KIAA1328: variants seen among roughly 807,000 people sequenced by gnomAD.
KIAA1328 encodes KIAA1328.
Under a neutral mutation model 68.1 loss-of-function variants are expected in KIAA1328, and 52 were observed. The observed-to-expected ratio is 0.76, with a 90% confidence interval of 0.61 to 0.96. The LOEUF is 0.96. Ranked by LOEUF, KIAA1328 falls within the 40% of genes least tolerant of loss-of-function variation. KIAA1328 has a pLI of 0.00. For synonymous variants in KIAA1328, 232 were observed against 239.4 expected (o/e 0.97, Z 0.28); for missense variants, 641 against 677.6 (o/e 0.95, Z 0.60).
At position 37,067,225 on chromosome 18, in the gene KIAA1328, A is replaced by G. The variant is rs2151735165; in HGVS notation, c.912A>G (p.Gln304=). 2 of 1,614,014 alleles carry G rather than the reference A, an allele frequency of 1.2e-6. No individual in the cohort carries two copies. Among genetic ancestry groups the G allele is most frequent in the South Asian group, 1.1e-5 (1 of 91,084 alleles). The change falls in exon 7 of 10, where the codon CAA becomes CAG. Residue 304 remains glutamine (Q), a synonymous_variant. Coordinates refer to ENST00000280020, the MANE Select transcript of KIAA1328 (RefSeq NM_020776.3). ...CACATCTTAAGCCTACTCCTAGTCAATGCTGTGGTCATAGACTTGCTGCAG... is the reference window on the plus strand; with the variant it reads ...CACATCTTAAGCCTACTCCTAGTCAGTGCTGTGGTCATAGACTTGCTGCAG... ...ECPHLKPTPS[Q]CCGHRLAADR... is the part of the protein sequence containing the mutation.
chr18:37,075,355 C>A (rs2151767295), intron 7 of KIAA1328: 1 of 152,284 alleles, frequency 6.6e-6, no homozygotes, highest in South Asian at 2.1e-4. Flanking sequence ...AAAGGAACAA[C>A]TGGTACCAGC....
intron 7 of KIAA1328, among the ~76,000 whole-genome samples, chr18:37,092,586 T>C (rs1396220950): frequency 1.3e-5 from 2 of 151,934 alleles, no homozygotes; most frequent in African/African-American, 4.8e-5. Flanking sequence ...ATCTCCAGGG[T>C]TCTGGAGATT....
chr18:36,843,338 GTTTTC>G, intron 3 of KIAA1328, among the ~76,000 whole-genome samples: 1 of 152,138 alleles, frequency 6.6e-6, no homozygotes, highest in African/African-American at 2.4e-5. Flanking sequence ...CACTTTAGGT[GTTTTC>G]AGTTATTCTT....
intron 6 of KIAA1328, among the ~76,000 whole-genome samples, chr18:37,012,856 CTTTT>C (rs1441713709): frequency 3.3e-5 from 5 of 152,098 alleles, no homozygotes; most frequent in African/African-American, 1.2e-4. Context: ...CTATTTCTTT[CTTTT>C]AATTTCCCTG....
At chr18:37,216,079 T>C (rs2060425815) in intron 9 of KIAA1328, among the ~76,000 whole-genome samples, 1 of 152,142 alleles carries the variant, frequency 6.6e-6, no homozygotes, top group South Asian at 2.1e-4. Flanking sequence ...ATCAATTTTG[T>C]TTCTTTTCAA....
intron 5 of KIAA1328, among the ~76,000 whole-genome samples, chr18:36,949,020 T>G (rs1460132018): frequency 2.0e-5 from 3 of 152,190 alleles, no homozygotes; most frequent in African/African-American, 7.2e-5. Flanking sequence ...TTGTCAGGAA[T>G]TTTCCCTTTT....
At chr18:36,848,494 C>A (rs938050637) in intron 4 of KIAA1328, among the ~76,000 whole-genome samples, 1 of 132,032 alleles carries the variant, frequency 7.6e-6, no homozygotes, top group Non-Finnish European at 1.6e-5. Context: ...AAGATGTCAT[C>A]TACAAGTAAA....
intron 6 of KIAA1328, among the ~76,000 whole-genome samples, chr18:37,005,549 C>T (rs1251629212): frequency 6.6e-6 from 1 of 151,952 alleles, no homozygotes; most frequent in Non-Finnish European, 1.5e-5. Context: ...ATGGTGATTC[C>T]TCATAAAACT....
intron 7 of KIAA1328, among the ~76,000 whole-genome samples, chr18:37,091,933 C>T (rs1199340773): frequency 6.6e-6 from 1 of 152,122 alleles, no homozygotes; most frequent in African/African-American, 2.4e-5. Flanking sequence ...GGCAACCTTG[C>T]TTCCTCCAAC....
chr18:37,143,916 T>C (rs2058837608), intron 7 of KIAA1328, among the ~76,000 whole-genome samples: 1 of 152,166 alleles, frequency 6.6e-6, no homozygotes, highest in African/African-American at 2.4e-5. Context: ...TATTTTATAA[T>C]AACTTAGGTA....
At chr18:37,113,302 C>T (rs553923915) in intron 7 of KIAA1328, among the ~76,000 whole-genome samples, 4 of 152,158 alleles carry the variant, frequency 2.6e-5, no homozygotes, top group African/African-American at 4.8e-5. Context: ...AGACTACCAG[C>T]GGATCTCTGG....
At chr18:36,964,279 T>A (rs568498358) in intron 6 of KIAA1328, among the ~76,000 whole-genome samples, 3 of 152,350 alleles carry the variant, frequency 2.0e-5, no homozygotes, top group African/African-American at 7.2e-5. Context: ...GTATTTTCTT[T>A]CCTTGCAAGG....
At chr18:36,951,468 G>A (rs190184288) in intron 5 of KIAA1328, among the ~76,000 whole-genome samples, 2 of 152,140 alleles carry the variant, frequency 1.3e-5, no homozygotes, top group Non-Finnish European at 2.9e-5. Context: ...GAATGAATGA[G>A]TGAATTAATG....
rs571840625 is a variant in KIAA1328, at chr18:36,894,512, T to C, written c.448+8840T>C. On this transcript the variant is annotated intron_variant, in intron 5 of 9. Coordinates refer to ENST00000280020, the MANE Select transcript of KIAA1328 (RefSeq NM_020776.3). ...CATTCCATTACAGTTGCCAGATTAA[T>C]TTTTCTTAAGGACTACTTTTCTTTT... Among the ~76,000 whole-genome samples the C allele has an allele frequency of 3.9e-5, 6 of 152,206 alleles. No individual in the cohort carries two copies. In the South Asian group the frequency reaches 8.3e-4, roughly 21 times the overall value.
intron 6 of KIAA1328, among the ~76,000 whole-genome samples, chr18:37,064,782 T>C (rs2056287174): frequency 1.3e-5 from 2 of 151,626 alleles, no homozygotes; most frequent in Non-Finnish European, 2.9e-5. Context: ...ACCGTGAAGA[T>C]GGAGGAAGGG....
chr18:37,115,515 T>C (rs956412343), intron 7 of KIAA1328, among the ~76,000 whole-genome samples: 55 of 152,086 alleles, frequency 3.6e-4, no homozygotes, highest in Admixed American at 2.6e-4. Flanking sequence ...GGACGTATCT[T>C]GAAATAATAA....
At chr18:36,961,348 C>T (rs747327448) in intron 6 of KIAA1328, among the ~76,000 whole-genome samples, 40 of 152,252 alleles carry the variant, frequency 2.6e-4, no homozygotes, top group Admixed American at 1.6e-3. Context: ...GGTTGGTGTA[C>T]CTGAAAGTGT....
chr18:37,093,598 A>C (rs1599237924), intron 7 of KIAA1328, among the ~76,000 whole-genome samples: 1 of 152,218 alleles, frequency 6.6e-6, no homozygotes. Flanking sequence ...ACCCAGTCAG[A>C]CAAAAAAGAA....
chr18:37,041,448 G>C (rs1380915971), intron 6 of KIAA1328, among the ~76,000 whole-genome samples: 1 of 151,496 alleles, frequency 6.6e-6, no homozygotes, highest in African/African-American at 2.4e-5. Context: ...ATGTATTATG[G>C]ACCACATACA....
Sources: gnomAD v4.1 joint callset for allele counts (sites outside exome capture counted in the v4.1 genomes callset) on GRCh38, gnomAD v4.1.1 for gene constraint, MANE v1.5 for transcripts, NCBI Gene and HGNC (gene_info 2026-07-23, HGNC 2026-07-21) for gene names.